Variants in ULK4 observed in about 807,000 individuals in gnomAD.
The protein encoded by ULK4 is inactive serine/threonine-protein kinase ULK4.
Under a neutral mutation model 160.6 loss-of-function variants are expected in ULK4, and 133 were observed. That is an observed-to-expected ratio of 0.83 (90% CI 0.72 to 0.96). The LOEUF (loss-of-function observed/expected upper bound fraction) is 0.96. Ranked by LOEUF, ULK4 falls within the 40% of genes least tolerant of loss-of-function variation. The pLI, the probability that ULK4 is intolerant of heterozygous loss-of-function variation, is 0.00. For synonymous variants in ULK4, 534 were observed against 539.8 expected, an observed-to-expected ratio of 0.99 and a Z score of 0.15; for missense variants, 1,580 against 1,499.5, an observed-to-expected ratio of 1.05 and a Z score of -0.89.
At chr3:41,614,642 T>G (rs1413878467) in intron 31 of ULK4, among the ~76,000 whole-genome samples, 2 of 152,200 alleles carry the variant, frequency 1.3e-5, no homozygotes, top group Non-Finnish European at 2.9e-5. Context: ...GAACATGCTT[T>G]GGGAATAGTA....
chr3:41,350,180 T>C (rs2080881480), intron 35 of ULK4, among the ~76,000 whole-genome samples: 1 of 152,218 alleles, frequency 6.6e-6, no homozygotes. Context: ...AATAGTCTTA[T>C]AAAATCCTTA....
At chr3:41,642,444 G>T (rs985551961) in intron 30 of ULK4, among the ~76,000 whole-genome samples, 7 of 152,082 alleles carry the variant, frequency 4.6e-5, no homozygotes, top group Admixed American at 3.9e-4. Flanking sequence ...GCAGTGTTTG[G>T]TTTTTTGTCC....
chr3:41,521,518 C>T (rs567504969), intron 32 of ULK4, among the ~76,000 whole-genome samples: 26 of 152,056 alleles, frequency 1.7e-4, no homozygotes, highest in African/African-American at 5.8e-4. Context: ...AACAATGACT[C>T]TAAGATCCTA....
intron 32 of ULK4, among the ~76,000 whole-genome samples, chr3:41,465,787 T>C (rs752522088): frequency 3.3e-5 from 5 of 152,206 alleles, no homozygotes; most frequent in Non-Finnish European, 7.4e-5. Context: ...TGGAAAGATA[T>C]ACCATTTGTC....
intron 34 of ULK4, among the ~76,000 whole-genome samples, chr3:41,405,138 C>T (rs758598530): frequency 3.3e-5 from 5 of 151,986 alleles, no homozygotes; most frequent in Non-Finnish European, 7.4e-5. Context: ...TCTTTCTTTC[C>T]AATCTAGTAG....
At chr3:41,703,498 G>A (rs2125825318) in intron 27 of ULK4, among the ~76,000 whole-genome samples, 1 of 152,056 alleles carries the variant, frequency 6.6e-6, no homozygotes, top group Non-Finnish European at 1.5e-5. Flanking sequence ...AAACTTGTGG[G>A]ATGATGCTAA....
chr3:41,250,496 G>T (rs1559486962), intron 35 of ULK4, among the ~76,000 whole-genome samples: 1 of 152,162 alleles, frequency 6.6e-6, no homozygotes, highest in Non-Finnish European at 1.5e-5. Context: ...CTGAAATTAA[G>T]GGGCTGCTAC....
chr3:41,275,603 C>CAA (rs2079215770), intron 35 of ULK4, among the ~76,000 whole-genome samples: 1 of 150,768 alleles, frequency 6.6e-6, no homozygotes, highest in Non-Finnish European at 1.5e-5. Flanking sequence ...AGAGAATGGC[C>CAA]AAAGGGTGGG....
intron 17 of ULK4, among the ~76,000 whole-genome samples, chr3:41,836,538 T>C (rs2041762506): frequency 6.6e-6 from 1 of 152,088 alleles, no homozygotes; most frequent in Non-Finnish European, 1.5e-5. Context: ...TGCTGCCCTA[T>C]CTTTAAAGAG....
chr3:41,861,811 G>T (rs1184104618), intron 17 of ULK4, among the ~76,000 whole-genome samples: 5 of 151,946 alleles, frequency 3.3e-5, no homozygotes, highest in African/African-American at 1.2e-4. Context: ...TCTAGATCTT[G>T]TAGGCGTGCT....
At chr3:41,919,568 C>G in intron 6 of ULK4, 149 bp downstream of exon 6, 1 of 631,162 alleles carries the variant, frequency 1.6e-6, no homozygotes, top group East Asian at 2.7e-5. Context: ...TGCCACTGCA[C>G]TCCAGACTGG....
chr3:41,345,758 C>A (rs2080785738), intron 35 of ULK4, among the ~76,000 whole-genome samples: 1 of 152,030 alleles, frequency 6.6e-6, no homozygotes, highest in Non-Finnish European at 1.5e-5. Context: ...ACCTGCACAT[C>A]CTGCACATGT....
chr3:41,410,851 T>C (rs558754324), intron 34 of ULK4, among the ~76,000 whole-genome samples: 73 of 152,310 alleles, frequency 4.8e-4, no homozygotes, highest in Admixed American at 2.2e-3. Flanking sequence ...GTAAATGCCA[T>C]TCCCCCAAGT....
chr3:41,669,567 A>G (rs918320521), intron 29 of ULK4, among the ~76,000 whole-genome samples: 4 of 152,204 alleles, frequency 2.6e-5, no homozygotes, highest in Non-Finnish European at 4.4e-5. Flanking sequence ...CAAAATGTAT[A>G]TGAATTTTAA....
chr3:41,736,377 T>C (rs1242589136), intron 22 of ULK4, among the ~76,000 whole-genome samples: 21 of 151,780 alleles, frequency 1.4e-4, no homozygotes, highest in African/African-American at 4.4e-4. Context: ...TTTTAATGAT[T>C]GCCATTCTAA....
intron 30 of ULK4, among the ~76,000 whole-genome samples, chr3:41,640,132 A>G (rs542444731): frequency 6.6e-6 from 1 of 152,330 alleles, no homozygotes; most frequent in East Asian, 1.9e-4. Context: ...TCCTTATCCT[A>G]GCAAATACAA....
chr3:41,899,035 T>C (rs1045368377), intron 13 of ULK4: 1 of 153,144 alleles, frequency 6.5e-6, no homozygotes, highest in African/African-American at 2.4e-5. Flanking sequence ...GCAAGCACTT[T>C]AGTTGATATA....
chr3:41,486,719 G>A (rs1045255844), intron 32 of ULK4, among the ~76,000 whole-genome samples: 1 of 152,162 alleles, frequency 6.6e-6, no homozygotes, highest in Non-Finnish European at 1.5e-5. Context: ...TGACCAATTT[G>A]GGCCAATTTC....
At chr3:41,682,010 A>G (rs1054446086) in intron 27 of ULK4, among the ~76,000 whole-genome samples, 1 of 152,246 alleles carries the variant, frequency 6.6e-6, no homozygotes, top group African/African-American at 2.4e-5. Flanking sequence ...GGTCAAAATG[A>G]CATTATGAAA....
Sources: gnomAD v4.1 joint callset for allele counts (sites outside exome capture counted in the v4.1 genomes callset) on GRCh38, gnomAD v4.1.1 for gene constraint, MANE v1.5 for transcripts, NCBI Gene and HGNC (gene_info 2026-07-23, HGNC 2026-07-21) for gene names.